Variants in RBM20 observed in about 807,000 individuals in gnomAD.
RBM20 encodes RNA binding motif protein 20.
RBM20 carries 51 observed loss-of-function variants against 110.1 expected under a neutral mutation model. The observed-to-expected ratio is 0.46, with a 90% CI of 0.37 to 0.59. RBM20 has a LOEUF of 0.59. RBM20 is among the 20% of genes least tolerant of loss of function. RBM20 has a pLI of 0.00. For synonymous variants in RBM20, 589 were observed against 618.2 expected, an observed-to-expected ratio of 0.95 and a Z score of 0.70; for missense variants, 1,512 against 1,574.9, an observed-to-expected ratio of 0.96 and a Z score of 0.68.
chr10:110,777,719 G>A (rs1590671928), intron 1 of RBM20, among the ~76,000 whole-genome samples: 2 of 152,296 alleles, frequency 1.3e-5, no homozygotes, highest in South Asian at 2.1e-4. Context: ...CCTTCCTCAC[G>A]TGTCCTTTCA....
At chr10:110,724,561 T>G (rs980181456) in intron 1 of RBM20, among the ~76,000 whole-genome samples, 1 of 152,096 alleles carries the variant, frequency 6.6e-6, no homozygotes, top group Non-Finnish European at 1.5e-5. Context: ...GGAGAAGCAT[T>G]GACTCCCTGG....
rs55873340 is a variant in RBM20 at position 110,784,104 on chromosome 10, A to G, written c.1338-237A>G. Among the ~76,000 whole-genome samples the G allele has an allele frequency of 0.029, 4,480 of 152,302 alleles. 103 individuals are homozygous for G. The highest frequency in any genetic ancestry group is 0.048 in the Middle Eastern group (14 of 294). On this transcript the variant is annotated intron_variant, in intron 3 of 13. Coordinates refer to ENST00000369519, the MANE Select transcript of RBM20 (RefSeq NM_001134363.3). Reference sequence around the variant, plus strand: ...CCTTTCTATGACTGAACAATATTCTATTGCATGTATATATCACATTCTTGT... The same window carrying G: ...CCTTTCTATGACTGAACAATATTCTGTTGCATGTATATATCACATTCTTGT...
chr10:110,764,083 G>A (rs1334375955), intron 1 of RBM20, among the ~76,000 whole-genome samples: 3 of 152,162 alleles, frequency 2.0e-5, no homozygotes, highest in African/African-American at 7.2e-5. Context: ...CCACTGGGTA[G>A]GTGAAATGAT....
At position 110,781,659 on chromosome 10, in the gene RBM20, C is replaced by T. The variant is rs778124998; in HGVS notation, c.1050C>T (p.Tyr350=). 5.0e-5 allele frequency: 77 copies of T among 1,548,124 alleles called. No homozygotes were observed. The highest frequency in any genetic ancestry group is 9.8e-5 in the East Asian group (4 of 40,870). The part of the protein sequence containing the change: ...PPPHNQPYEL[Y]DPEEPTSDRT... Reference sequence around the variant, plus strand: ...CCCACAACCAGCCCTATGAGCTGTACGACCCCGAGGAACCAACCTCAGACA... The same window carrying T: ...CCCACAACCAGCCCTATGAGCTGTATGACCCCGAGGAACCAACCTCAGACA... The change falls in exon 2 of 14, where the codon TAC becomes TAT. Residue 350 remains tyrosine (Y), a synonymous_variant. Coordinates refer to ENST00000369519, the MANE Select transcript of RBM20 (RefSeq NM_001134363.3).
chr10:110,685,194 G>A (rs1298902232), intron 1 of RBM20, among the ~76,000 whole-genome samples: 3 of 152,156 alleles, frequency 2.0e-5, no homozygotes, highest in Non-Finnish European at 4.4e-5. Flanking sequence ...TGTCCTTGGC[G>A]GGCCTGTCAA....
In RBM20 at chr10:110,654,984, A is replaced by C. The variant is rs183355924; in HGVS notation, c.191+10339A>C. 1.3e-3 allele frequency among the ~76,000 whole-genome samples: 200 copies of C among 152,354 alleles called. 1 individual carries two copies. Among genetic ancestry groups the C allele is most frequent in the African/African-American group, 4.6e-3 (193 of 41,582 alleles). ...GGTAAGTGTTGTTATTCTCCCCATC[A>C]TGCAGATGAGGAAACTGAGGCACAA... On this transcript the variant is annotated intron_variant, in intron 1 of 13. Coordinates refer to ENST00000369519, the MANE Select transcript of RBM20 (RefSeq NM_001134363.3).
At chr10:110,736,531 TA>T (rs371095103) in intron 1 of RBM20, among the ~76,000 whole-genome samples, 5 of 151,344 alleles carry the variant, frequency 3.3e-5, no homozygotes, top group East Asian at 1.9e-4. Context: ...ACCTTCATCT[TA>T]AAAAAAAAGA....
intron 1 of RBM20, among the ~76,000 whole-genome samples, chr10:110,708,817 A>G (rs951557392): frequency 6.6e-5 from 10 of 152,172 alleles, no homozygotes; most frequent in Non-Finnish European, 1.3e-4. Flanking sequence ...TGGGGTTCCT[A>G]TTCCTGAGGG....
intron 1 of RBM20, among the ~76,000 whole-genome samples, chr10:110,683,662 G>A (rs1231341678): frequency 6.6e-6 from 1 of 152,212 alleles, no homozygotes; most frequent in Non-Finnish European, 1.5e-5. Context: ...CAGTCTAAAT[G>A]ATTTTGCCTC....
chr10:110,751,107 G>A (rs567164038), intron 1 of RBM20, among the ~76,000 whole-genome samples: 1 of 152,170 alleles, frequency 6.6e-6, no homozygotes, highest in Non-Finnish European at 1.5e-5. Flanking sequence ...CATACTTATA[G>A]CTATCACTGC....
chr10:110,806,267 C>A (rs1161944090), intron 7 of RBM20, among the ~76,000 whole-genome samples: 224 of 127,722 alleles, frequency 1.8e-3, no homozygotes, highest in Non-Finnish European at 1.7e-3. Context: ...GACTCCGTCT[C>A]AAAAAAAAAA....
chr10:110,644,727 TC>T lies in RBM20; in HGVS notation c.191+85del. ...GCCCCCTTTGTGGCTTCATTTCCCG[TC>T]CCTGCTGAACTTCGCTCGCCCCCCT... On this transcript the variant is annotated intron_variant, in intron 1 of 13. Transcript: ENST00000369519. This position sits in a 1 kb window ranked among gnomAD's most constrained non-coding sequence, Gnocchi z 4.3. 1 of 1,110,106 alleles carries T rather than the reference TC, an allele frequency of 9.0e-7. No individual in the cohort carries two copies. 68.8% of individuals were successfully genotyped at this position (1,110,106 alleles called of 1,614,324 possible). A position where few individuals can be genotyped will look rare whatever the true frequency, so the allele number is the denominator to read the frequency against.
At chr10:110,695,886 T>C (rs956540085) in intron 1 of RBM20, among the ~76,000 whole-genome samples, 1 of 152,228 alleles carries the variant, frequency 6.6e-6, no homozygotes, top group African/African-American at 2.4e-5. Flanking sequence ...ACAGTACAAA[T>C]GTAATAAAAA....
At chr10:110,808,756 CTG>C (rs1373986685) in intron 7 of RBM20, among the ~76,000 whole-genome samples, 1 of 152,136 alleles carries the variant, frequency 6.6e-6, no homozygotes, top group Non-Finnish European at 1.5e-5. Context: ...CACCTTTACT[CTG>C]TGTTTTTCCC....
intron 1 of RBM20, among the ~76,000 whole-genome samples, chr10:110,705,667 T>A (rs1410072657): frequency 2.0e-5 from 3 of 152,264 alleles, no homozygotes; most frequent in Non-Finnish European, 1.5e-5. Flanking sequence ...AATACACATA[T>A]GCTAATTTGA....
intron 11 of RBM20, among the ~76,000 whole-genome samples, chr10:110,823,207 T>A: frequency 6.6e-6 from 1 of 152,156 alleles, no homozygotes; most frequent in East Asian, 1.9e-4. Context: ...TCTTCTCAAC[T>A]GAAGGCATCA....
chr10:110,763,022 AGGT>A (rs1844027617), intron 1 of RBM20, among the ~76,000 whole-genome samples: 2 of 152,150 alleles, frequency 1.3e-5, no homozygotes, highest in African/African-American at 4.8e-5. Context: ...TGGCGCTTTT[AGGT>A]GTCTGTGACT....
chr10:110,669,628 C>G (rs1328999883), intron 1 of RBM20, among the ~76,000 whole-genome samples: 1 of 152,236 alleles, frequency 6.6e-6, no homozygotes, highest in Non-Finnish European at 1.5e-5. Flanking sequence ...TGCTGTGTTG[C>G]TCAGACTGGT....
At chr10:110,715,501 A>G (rs1863001979) in intron 1 of RBM20, among the ~76,000 whole-genome samples, 1 of 152,250 alleles carries the variant, frequency 6.6e-6, no homozygotes, top group Non-Finnish European at 1.5e-5. Flanking sequence ...ACTTATGTAC[A>G]TATCTTAGCC....
Sources: gnomAD v4.1 joint callset for allele counts (sites outside exome capture counted in the v4.1 genomes callset) on GRCh38, gnomAD v4.1.1 for gene constraint, Gnocchi (gnomAD v3.1) non-coding constraint, MANE v1.5 for transcripts, NCBI Gene and HGNC (gene_info 2026-07-23, HGNC 2026-07-21) for gene names.